Variants in SH2D4B observed in about 807,000 individuals in gnomAD.
The protein encoded by SH2D4B is SH2 domain containing 4B, also known as SH2 domain-containing protein 4B.
In SH2D4B, 45 loss-of-function variants were observed where a neutral mutation model predicts 61.5. That is an observed-to-expected ratio of 0.73 (90% CI 0.58 to 0.94). The LOEUF is 0.94. Ranked by LOEUF, SH2D4B falls within the 40% of genes least tolerant of loss-of-function variation. The pLI is 0.00. For synonymous variants in SH2D4B, 224 were observed against 220.4 expected, an observed-to-expected ratio of 1.02 and a Z score of -0.14; for missense variants, 572 against 574.2, an observed-to-expected ratio of 1.00 and a Z score of 0.04.
intron 6 of SH2D4B, among the ~76,000 whole-genome samples, chr10:80,629,783 A>G (rs1449033239): frequency 6.6e-6 from 1 of 152,258 alleles, no homozygotes; most frequent in Non-Finnish European, 1.5e-5. Flanking sequence ...AGACATAGCT[A>G]TTAATATCAA....
At chr10:80,597,886 G>A (rs1437294692) in intron 4 of SH2D4B, among the ~76,000 whole-genome samples, 2 of 152,158 alleles carry the variant, frequency 1.3e-5, no homozygotes, top group Non-Finnish European at 2.9e-5. Context: ...GTTGCAGTGT[G>A]GTGGCAGCCT....
intron 6 of SH2D4B, 150 bp downstream of exon 6, chr10:80,609,701 G>A (rs1481797239): frequency 2.3e-6 from 3 of 1,279,040 alleles, no homozygotes; most frequent in Non-Finnish European, 3.3e-6. Flanking sequence ...TGGGAGTCCA[G>A]GAGGCTGCAG....
At position 80,645,230 on chromosome 10, in the gene SH2D4B, A is replaced by T. The variant is rs1264275137; in HGVS notation, c.*1145A>T. The T allele has an allele frequency of 6.6e-6, 1 of 152,234 alleles. No homozygotes were observed. Among genetic ancestry groups the T allele is most frequent in the Non-Finnish European group, 1.5e-5 (1 of 68,046 alleles). 9.4% of individuals were successfully genotyped at this position (152,234 alleles called of 1,614,324 possible). ...GTTAGGGAACGATTTACTTTACCCG[A>T]TGGCTGTATCAAACATCTATGCCCC... On this transcript the variant is annotated 3_prime_UTR_variant, in exon 8 of 8. Transcript: ENST00000646907.
intron 6 of SH2D4B, among the ~76,000 whole-genome samples, chr10:80,631,284 T>C (rs1842830750): frequency 6.6e-6 from 1 of 152,270 alleles, no homozygotes; most frequent in Admixed American, 6.5e-5. Context: ...AGCCTTGCTC[T>C]GTTTTCCAGG....
chr10:80,611,193 A>G (rs1349275084), intron 6 of SH2D4B, among the ~76,000 whole-genome samples: 1 of 150,862 alleles, frequency 6.6e-6, no homozygotes, highest in Admixed American at 6.6e-5. Context: ...AAAAAAAAAA[A>G]AAAAAAAAAA....
chr10:80,608,911 C>CA (rs1020664140), intron 5 of SH2D4B, among the ~76,000 whole-genome samples: 11 of 152,290 alleles, frequency 7.2e-5, no homozygotes, highest in African/African-American at 2.6e-4. Context: ...GGCGTCCCCT[C>CA]AGAGGGCGGG....
In SH2D4B at chr10:80,572,386, C is replaced by G. The variant is rs117931922; in HGVS notation, c.495+808C>G. Among the ~76,000 whole-genome samples the G allele has an allele frequency of 1.8e-3, 280 of 152,186 alleles. 4 individuals are homozygous for G. The highest frequency in any genetic ancestry group is 0.013 in the Admixed American group (204 of 15,286). Reference sequence around the variant, plus strand: ...AACAAATAGTAGGTTTTTCCGGTAACGTTGAGCTTTTTAATGGAGGTCTAG... The same window carrying G: ...AACAAATAGTAGGTTTTTCCGGTAAGGTTGAGCTTTTTAATGGAGGTCTAG... On this transcript the variant is annotated intron_variant, in intron 3 of 7. Coordinates refer to ENST00000646907, the MANE Select transcript of SH2D4B (RefSeq NM_001388272.1).
chr10:80,593,768 G>T (rs1842358173), intron 4 of SH2D4B, among the ~76,000 whole-genome samples: 1 of 152,080 alleles, frequency 6.6e-6, no homozygotes, highest in Non-Finnish European at 1.5e-5. Flanking sequence ...GCCCTCTCTT[G>T]TTTCTCATCT....
At chr10:80,588,472 A>C (rs1842284867) in intron 3 of SH2D4B, among the ~76,000 whole-genome samples, 158 bp from the exon 4 acceptor site, 1 of 152,238 alleles carries the variant, frequency 6.6e-6, no homozygotes. Flanking sequence ...CTATGGGAGT[A>C]CTGGGTAATT....
chr10:80,590,453 A>C (rs1345145476), intron 4 of SH2D4B, among the ~76,000 whole-genome samples: 1 of 152,188 alleles, frequency 6.6e-6, no homozygotes, highest in Non-Finnish European at 1.5e-5. Context: ...AAGGCCTCAG[A>C]TGTCAAAAAA....
At chr10:80,553,293 A>C (rs1841785969) in intron 1 of SH2D4B, among the ~76,000 whole-genome samples, 1 of 152,202 alleles carries the variant, frequency 6.6e-6, no homozygotes, top group Non-Finnish European at 1.5e-5. Flanking sequence ...TCTCACCCTC[A>C]AAACTGTGAG....
chr10:80,589,303 T>C (rs116298592), intron 4 of SH2D4B, among the ~76,000 whole-genome samples: 2,520 of 152,216 alleles, frequency 0.017, 69 homozygotes, highest in African/African-American at 0.056. Flanking sequence ...CACTCCCAGC[T>C]GGGGATATTT....
chr10:80,565,327 C>T (rs1372813378), intron 1 of SH2D4B, among the ~76,000 whole-genome samples: 1 of 151,862 alleles, frequency 6.6e-6, no homozygotes, highest in Non-Finnish European at 1.5e-5. Context: ...CCCCACTACC[C>T]TTCCCAGCCT....
intron 3 of SH2D4B, among the ~76,000 whole-genome samples, chr10:80,572,959 T>C (rs1340185933): frequency 1.3e-4 from 1 of 7,694 alleles, no homozygotes; most frequent in East Asian, 7.4e-3. Flanking sequence ...TATATATATA[T>C]ATATATATAT....
intron 4 of SH2D4B, among the ~76,000 whole-genome samples, chr10:80,596,130 A>G (rs956434588): frequency 4.6e-5 from 7 of 152,228 alleles, no homozygotes; most frequent in African/African-American, 1.4e-4. Flanking sequence ...CATTGTGGTC[A>G]AAGCTCATTT....
chr10:80,581,712 C>T (rs549272714), intron 3 of SH2D4B, among the ~76,000 whole-genome samples: 2 of 152,310 alleles, frequency 1.3e-5, no homozygotes, highest in South Asian at 2.1e-4. Flanking sequence ...TTTAAGCCTC[C>T]TCAATCTGTG....
chr10:80,632,379 A>C (rs922384658), intron 6 of SH2D4B, among the ~76,000 whole-genome samples: 3 of 152,236 alleles, frequency 2.0e-5, no homozygotes, highest in Admixed American at 1.3e-4. Flanking sequence ...CATGTACACC[A>C]TAAATATATA....
chr10:80,582,470 G>C (rs904710739), intron 3 of SH2D4B, among the ~76,000 whole-genome samples: 5 of 152,188 alleles, frequency 3.3e-5, no homozygotes, highest in African/African-American at 1.2e-4. Context: ...GCTTCATCTG[G>C]TTGCTAGGCT....
At chr10:80,611,248 C>T (rs997002759) in intron 6 of SH2D4B, among the ~76,000 whole-genome samples, 8 of 150,360 alleles carry the variant, frequency 5.3e-5, no homozygotes, top group Non-Finnish European at 1.2e-4. Context: ...CTTGGAGAAC[C>T]ACACATTGGC....
Sources: gnomAD v4.1 joint callset for allele counts (sites outside exome capture counted in the v4.1 genomes callset) on GRCh38, gnomAD v4.1.1 for gene constraint, MANE v1.5 for transcripts, NCBI Gene and HGNC (gene_info 2026-07-23, HGNC 2026-07-21) for gene names.